PSMD14: variants seen among roughly 807,000 people sequenced by gnomAD.
PSMD14 encodes proteasome 26S subunit, non-ATPase 14.
Under a neutral mutation model 41.2 loss-of-function variants are expected in PSMD14, and 7 were observed. The observed-to-expected ratio is 0.17, with a 90% CI of 0.10 to 0.32. The LOEUF (loss-of-function observed/expected upper bound fraction) is 0.32, where lower values mean the gene tolerates loss of function less well. Among genes scored for constraint, PSMD14 ranks in the 10% least tolerant of loss-of-function variants. The pLI is 1.00. For missense variants in PSMD14, 139 were observed against 375.6 expected (o/e 0.37, Z 5.21); for synonymous variants, 114 against 122.3 (o/e 0.93, Z 0.45).
intron 10 of PSMD14, among the ~76,000 whole-genome samples, chr2:161,402,944 G>C (rs953704574): frequency 2.6e-5 from 4 of 152,150 alleles, no homozygotes; most frequent in Non-Finnish European, 5.9e-5. Flanking sequence ...TTACTAGTGG[G>C]GATATAAAAT....
chr2:161,376,120 T>TAC (rs1047901964), intron 7 of PSMD14, among the ~76,000 whole-genome samples: 1 of 149,472 alleles, frequency 6.7e-6, no homozygotes, highest in African/African-American at 2.4e-5. Context: ...TATATATATA[T>TAC]ACTCTCTCTC....
intron 1 of PSMD14, among the ~76,000 whole-genome samples, chr2:161,312,000 C>G (rs1436514522): frequency 2.6e-5 from 4 of 152,086 alleles, no homozygotes; most frequent in Non-Finnish European, 5.9e-5. Flanking sequence ...CACTCACGAT[C>G]TTCCACTGGA....
intron 3 of PSMD14, among the ~76,000 whole-genome samples, chr2:161,333,635 ATTC>A (rs1011897099): frequency 6.6e-6 from 1 of 152,254 alleles, no homozygotes; most frequent in African/African-American, 2.4e-5. Flanking sequence ...TCTTGTTCCT[ATTC>A]TTCTTCCAGA....
chr2:161,379,493 ACT>A (rs1452077524), intron 7 of PSMD14, among the ~76,000 whole-genome samples: 3 of 151,938 alleles, frequency 2.0e-5, no homozygotes, highest in Non-Finnish European at 2.9e-5. Context: ...TTAAAGCGTC[ACT>A]CTCTAATTTC....
At chr2:161,400,930 C>A (rs774047633) in intron 10 of PSMD14, among the ~76,000 whole-genome samples, 1 of 151,462 alleles carries the variant, frequency 6.6e-6, no homozygotes, top group Admixed American at 6.6e-5. Context: ...TCATTTGCTA[C>A]CATAAAACAT....
intron 3 of PSMD14, among the ~76,000 whole-genome samples, chr2:161,326,094 G>C (rs1448397968): frequency 6.6e-6 from 1 of 152,150 alleles, no homozygotes; most frequent in East Asian, 1.9e-4. Context: ...CTAGAGTGCA[G>C]TGGCATGATC....
At chr2:161,409,303 G>A (rs190774590) in intron 11 of PSMD14, among the ~76,000 whole-genome samples, 2 of 152,088 alleles carry the variant, frequency 1.3e-5, no homozygotes, top group Admixed American at 1.3e-4. Flanking sequence ...GCCTTATTGG[G>A]TTATACTGAG....
At chr2:161,323,422 G>C (rs1256435989) in intron 3 of PSMD14, among the ~76,000 whole-genome samples, 1 of 152,006 alleles carries the variant, frequency 6.6e-6, no homozygotes, top group Admixed American at 6.6e-5. Context: ...TCAGCCCTTT[G>C]GGAGACCGAG....
intron 7 of PSMD14, among the ~76,000 whole-genome samples, chr2:161,376,105 A>G (rs1477630900): frequency 6.7e-6 from 1 of 149,200 alleles, no homozygotes; most frequent in East Asian, 2.0e-4. Flanking sequence ...GTATATATAT[A>G]CATATATATA....
intron 7 of PSMD14, chr2:161,383,714 A>C (rs1683598153): frequency 6.6e-6 from 1 of 151,672 alleles, no homozygotes; most frequent in Non-Finnish European, 1.5e-5. Flanking sequence ...GAAATGGGCC[A>C]AAATGATGCT....
At chr2:161,357,076 C>CTTTTTTATTTTTTTTTTTTTTTTTTTTT (rs1683217707) in intron 3 of PSMD14, among the ~76,000 whole-genome samples, 1 of 124,192 alleles carries the variant, frequency 8.1e-6, no homozygotes, top group African/African-American at 3.2e-5. Context: ...TGGCAAATGC[C>CTTTTTTATTTTTTTTTTTTTTTTTTTTT]TTTTTTTTTT....
chr2:161,378,301 A>G (rs1288837489), intron 7 of PSMD14, among the ~76,000 whole-genome samples: 1 of 151,976 alleles, frequency 6.6e-6, no homozygotes, highest in Non-Finnish European at 1.5e-5. Flanking sequence ...TCAGTGCTCT[A>G]TGAGTTTCTC....
chr2:161,369,334 GTC>G (rs1176429085), intron 5 of PSMD14, among the ~76,000 whole-genome samples: 1 of 151,910 alleles, frequency 6.6e-6, no homozygotes, highest in Non-Finnish European at 1.5e-5. Context: ...AAAGACATAT[GTC>G]TCTGTTGCAT....
chr2:161,360,762 TC>T (rs1683279309), intron 3 of PSMD14, among the ~76,000 whole-genome samples: 1 of 151,984 alleles, frequency 6.6e-6, no homozygotes, highest in African/African-American at 2.4e-5. Flanking sequence ...GGTCTCCATC[TC>T]CTGACCTCAT....
At chr2:161,369,182 A>T (rs553255258) in intron 5 of PSMD14, among the ~76,000 whole-genome samples, 203 of 152,132 alleles carry the variant, frequency 1.3e-3, no homozygotes, top group African/African-American at 4.6e-3. Context: ...TTAGGCTTTA[A>T]TATCATTACT....
At chr2:161,367,227 G>A (rs1683371420) in intron 3 of PSMD14, among the ~76,000 whole-genome samples, 2 of 152,176 alleles carry the variant, frequency 1.3e-5, no homozygotes, top group African/African-American at 4.8e-5. Context: ...TGTAGCCAAG[G>A]TAGATTGGCA....
chr2:161,329,567 G>C (rs913260227), intron 3 of PSMD14, among the ~76,000 whole-genome samples: 1 of 151,914 alleles, frequency 6.6e-6, no homozygotes, highest in Non-Finnish European at 1.5e-5. Flanking sequence ...CTAAACATTA[G>C]TAGATTAATT....
rs1406932790 is a variant in PSMD14, at chr2:161,316,527, C to T, written c.-47C>T. 1.3e-5 allele frequency: 2 copies of T among 152,122 alleles called. No individual in the cohort carries two copies. The highest frequency in any genetic ancestry group is 4.1e-4 in the South Asian group (2 of 4,832). 9.4% of individuals were successfully genotyped at this position (152,122 alleles called of 1,614,324 possible). A position where few individuals can be genotyped will look rare whatever the true frequency, so the allele number is the denominator to read the frequency against. ...TTAAGAAGACATTTGTCAAACTCAA[C>T]AAATTGAAGGTTAACACCTTAAGAG... On this transcript the variant is annotated 5_prime_UTR_variant, in exon 2 of 12. Coordinates refer to ENST00000409682, the MANE Select transcript of PSMD14 (RefSeq NM_005805.6).
At chr2:161,329,880 G>C (rs562980495) in intron 3 of PSMD14, among the ~76,000 whole-genome samples, 1 of 152,190 alleles carries the variant, frequency 6.6e-6, no homozygotes, top group African/African-American at 2.4e-5. Context: ...TTCTGAATAC[G>C]TATTAAACTC....
Sources: allele counts gnomAD v4.1 joint callset (sites outside exome capture counted in the v4.1 genomes callset), GRCh38; gene constraint gnomAD v4.1.1; transcripts MANE v1.5; gene names NCBI Gene and HGNC (gene_info 2026-07-23, HGNC 2026-07-21).